The following KIFC3 variants were observed in gnomAD, a reference collection of about 807,000 sequenced individuals.
The protein encoded by KIFC3 is kinesin family member C3, also known as kinesin-like protein KIFC3.
In KIFC3, 60 loss-of-function variants were observed where a neutral mutation model predicts 101.8. The observed-to-expected ratio is 0.59, with a 90% CI of 0.48 to 0.73. The LOEUF is 0.73. KIFC3 is among the 30% of genes least tolerant of loss of function. The pLI is 0.00. For missense variants in KIFC3, 966 were observed against 1,137.1 expected (o/e 0.85, Z 2.16); for synonymous variants, 476 against 482.7 (o/e 0.99, Z 0.18).
At chr16:57,816,205 C>A in intron 1 of KIFC3, 1 of 1,284,098 alleles carries the variant, frequency 7.8e-7, no homozygotes, top group Non-Finnish European at 1.0e-6. Context: ...GTTCTCACAA[C>A]ATCCCCATTC....
chr16:57,802,022 A>G lies in KIFC3; in HGVS notation c.-40+348T>C, dbSNP rs183843670. Among the ~76,000 whole-genome samples, 10 of 152,324 alleles carry G rather than the reference A, an allele frequency of 6.6e-5. No homozygotes were observed. Among genetic ancestry groups the G allele is most frequent in the Non-Finnish European group, 7.4e-5 (5 of 68,012 alleles). Reference sequence around the variant, plus strand: ...TTCCAGGGAGCCCTGGGGGTGGGGAAGACGCCAGGAAGGGGAGAGGGCGGC... The same window carrying G: ...TTCCAGGGAGCCCTGGGGGTGGGGAGGACGCCAGGAAGGGGAGAGGGCGGC... On this transcript the variant is annotated intron_variant, in intron 1 of 19. Coordinates refer to ENST00000445690, the MANE Select transcript of KIFC3 (RefSeq NM_001130100.2). The surrounding 1 kb of genome is among the most constrained non-coding windows in gnomAD (Gnocchi z 5.0).
chr16:57,759,802 G>A lies in KIFC3; in HGVS notation c.2402C>T (p.Ala801Val), dbSNP rs2049605174. 6.2e-7 allele frequency: 1 copy of A among 1,610,664 alleles called. No homozygotes were observed. Among genetic ancestry groups the A allele is most frequent in the African/African-American group, 1.3e-5 (1 of 74,876 alleles). The change falls in exon 18 of 20, where the codon GCA becomes GTA. Residue 801 changes from alanine to valine, a missense_variant. Transcript: ENST00000445690. ...EPACQTPQPS[A>V]RAHSAPSSGT... Reference sequence around the variant, plus strand: ...AGAGCTGGGGGCTGAGTGGGCCCGTGCCGAGGGCTGTGGCGTCTGACAAGC... The same window carrying A: ...AGAGCTGGGGGCTGAGTGGGCCCGTACCGAGGGCTGTGGCGTCTGACAAGC...
At chr16:57,776,675 G>C (rs1345250670) in intron 3 of KIFC3, 3 of 152,556 alleles carry the variant, frequency 2.0e-5, no homozygotes, top group Admixed American at 2.0e-4. Context: ...GTACACAGTA[G>C]GTGTTCAGTA....
chr16:57,784,067 T>C (rs2053052545), intron 3 of KIFC3, among the ~76,000 whole-genome samples: 1 of 152,224 alleles, frequency 6.6e-6, no homozygotes, highest in African/African-American at 2.4e-5. Context: ...TGTGTGCCCA[T>C]CCCAGTGAGC....
chr16:57,861,588 C>T (rs1000415462), intron 1 of KIFC3, among the ~76,000 whole-genome samples: 1 of 152,090 alleles, frequency 6.6e-6, no homozygotes, highest in Non-Finnish European at 1.5e-5. Context: ...GTCCACTTTC[C>T]CAGGGGTCGA....
chr16:57,834,600 C>A (rs1014382626), intron 1 of KIFC3, among the ~76,000 whole-genome samples: 12 of 152,280 alleles, frequency 7.9e-5, no homozygotes, highest in African/African-American at 2.4e-4. Flanking sequence ...TAGCCTCAAC[C>A]CCCTGGACTC....
intron 1 of KIFC3, among the ~76,000 whole-genome samples, chr16:57,841,622 G>A (rs75939742): frequency 2.6e-4 from 40 of 152,192 alleles, no homozygotes; most frequent in African/African-American, 7.7e-4. Flanking sequence ...ATCTGAGATC[G>A]TGCCACTGCA....
intron 3 of KIFC3, chr16:57,775,830 C>G (rs528786980): frequency 3.0e-6 from 3 of 985,610 alleles, no homozygotes; most frequent in South Asian, 9.4e-5. Context: ...GACGTCAATC[C>G]AGGGCTGAGG....
At chr16:57,790,021 G>A (rs536602491) in intron 3 of KIFC3, among the ~76,000 whole-genome samples, 1 of 151,046 alleles carries the variant, frequency 6.6e-6, no homozygotes, top group East Asian at 2.0e-4. Flanking sequence ...ACAGGCATGA[G>A]CCACTGCGCC....
intron 1 of KIFC3, chr16:57,816,957 A>C (rs1369923248): frequency 8.9e-6 from 3 of 338,528 alleles, no homozygotes; most frequent in African/African-American, 6.5e-5. Context: ...CACTCACTAC[A>C]TGCCGGGCAC....
intron 3 of KIFC3, among the ~76,000 whole-genome samples, chr16:57,791,444 C>T (rs1241328483): frequency 2.0e-5 from 3 of 152,176 alleles, no homozygotes; most frequent in African/African-American, 4.8e-5. Flanking sequence ...ATTTCTGCAG[C>T]GCCTCTGTAG....
chr16:57,836,888 C>A (rs1191994914), intron 1 of KIFC3, among the ~76,000 whole-genome samples: 2 of 152,046 alleles, frequency 1.3e-5, no homozygotes, highest in Non-Finnish European at 2.9e-5. Flanking sequence ...GAGATAGGGT[C>A]TTGTGGTATA....
At chr16:57,833,343 A>G (rs1371372740) in intron 1 of KIFC3, among the ~76,000 whole-genome samples, 1 of 152,016 alleles carries the variant, frequency 6.6e-6, no homozygotes, top group African/African-American at 2.4e-5. Context: ...GGGGGCCTTC[A>G]GTCTCCCCAT....
chr16:57,774,491 T>C lies in KIFC3; in HGVS notation c.316-2203A>G, dbSNP rs144070573. On this transcript the variant is annotated intron_variant, in intron 3 of 19. Coordinates refer to ENST00000445690, the MANE Select transcript of KIFC3 (RefSeq NM_001130100.2). ...AGTGGGGGTCTCTGGGCTGTGGAAT[T>C]ATAGTTGACAAAATCTTTATGCTTT... 4.1e-4 allele frequency among the ~76,000 whole-genome samples: 63 copies of C among 152,034 alleles called. 1 individual carries two copies. In the East Asian group the frequency reaches 0.012, roughly 29 times the overall value.
At chr16:57,825,032 T>G (rs1274519188) in intron 1 of KIFC3, among the ~76,000 whole-genome samples, 1 of 152,148 alleles carries the variant, frequency 6.6e-6, no homozygotes, top group East Asian at 1.9e-4. Context: ...ATGAGATGGA[T>G]GGATGGATGT....
chr16:57,827,890 T>A (rs992496779), intron 1 of KIFC3, among the ~76,000 whole-genome samples: 1 of 152,224 alleles, frequency 6.6e-6, no homozygotes, highest in East Asian at 1.9e-4. Context: ...GAGCACTAAC[T>A]ACACACCAGG....
At chr16:57,851,796 A>G (rs977869272) in intron 1 of KIFC3, among the ~76,000 whole-genome samples, 11 of 141,360 alleles carry the variant, frequency 7.8e-5, no homozygotes, top group Non-Finnish European at 1.5e-4. Flanking sequence ...CTGGAGTGCA[A>G]TGGTGCAATC....
intron 1 of KIFC3, among the ~76,000 whole-genome samples, chr16:57,851,604 T>A (rs1401788796): frequency 6.6e-6 from 1 of 151,652 alleles, no homozygotes; most frequent in African/African-American, 2.4e-5. Flanking sequence ...TCTCGCTCTG[T>A]TGCCAAGGCT....
At chr16:57,827,321 T>A (rs2055479777) in intron 1 of KIFC3, among the ~76,000 whole-genome samples, 1 of 152,198 alleles carries the variant, frequency 6.6e-6, no homozygotes, top group African/African-American at 2.4e-5. Flanking sequence ...TGGCTCTACG[T>A]CCAAGGCCAC....
Sources: allele counts gnomAD v4.1 joint callset (sites outside exome capture counted in the v4.1 genomes callset), GRCh38; gene constraint gnomAD v4.1.1; non-coding constraint Gnocchi (gnomAD v3.1); transcripts MANE v1.5; gene names NCBI Gene and HGNC (gene_info 2026-07-23, HGNC 2026-07-21).